The following CNKSR2 variants were observed in gnomAD, a reference collection of about 807,000 sequenced individuals.
CNKSR2 encodes CNK homolog protein 2.
In CNKSR2, 14 loss-of-function variants were observed where a neutral mutation model predicts 84.4. That is an observed-to-expected ratio of 0.17 (90% CI 0.11 to 0.26). The LOEUF (loss-of-function observed/expected upper bound fraction) is 0.26. CNKSR2 is among the 10% of genes least tolerant of loss of function. The pLI is 1.00. For missense variants in CNKSR2, 485 were observed against 771.2 expected (o/e 0.63, Z 4.40); for synonymous variants, 275 against 277.9 (o/e 0.99, Z 0.10).
At chrX:21,395,905 T>C (rs1049776499) in intron 1 of CNKSR2, among the ~76,000 whole-genome samples, 2 of 111,894 alleles carry the variant, frequency 1.8e-5, no homozygotes, top group African/African-American at 6.5e-5. Flanking sequence ...AAGTGGAAGA[T>C]GTATTTTTTA....
intron 11 of CNKSR2, among the ~76,000 whole-genome samples, chrX:21,548,037 A>G (rs2147157139): frequency 8.9e-6 from 1 of 112,059 alleles, no homozygotes; most frequent in African/African-American, 3.2e-5. Flanking sequence ...GCAAGAGCAA[A>G]CACATTCAAA....
At chrX:21,562,420 C>G (rs745718509) in intron 12 of CNKSR2, among the ~76,000 whole-genome samples, 1 of 111,662 alleles carries the variant, frequency 9.0e-6, no homozygotes, top group African/African-American at 3.2e-5. Context: ...TGCACAGATC[C>G]GCAGACCATA....
At chrX:21,396,681 T>C (rs1211955443) in intron 1 of CNKSR2, among the ~76,000 whole-genome samples, 1 of 111,976 alleles carries the variant, frequency 8.9e-6, no homozygotes, top group Non-Finnish European at 1.9e-5. Context: ...ATCTATGAGA[T>C]GAATTGATAG....
intron 8 of CNKSR2, chrX:21,504,054 G>GT (rs1181208722): frequency 9.0e-6 from 1 of 110,713 alleles, no homozygotes; most frequent in Non-Finnish European, 1.9e-5. Context: ...CGGTTGCCAG[G>GT]TTTTTTTGTG....
intron 4 of CNKSR2, among the ~76,000 whole-genome samples, chrX:21,462,296 T>C (rs1431992023): frequency 8.9e-6 from 1 of 112,297 alleles, no homozygotes; most frequent in Non-Finnish European, 1.9e-5. Flanking sequence ...TTTGTGGCTA[T>C]TGAAAATGGG....
chrX:21,648,868 A>G lies in CNKSR2; in HGVS notation c.2730A>G (p.Gln910=). 8.5e-7 allele frequency: 1 copy of G among 1,178,617 alleles called. No individual in the cohort carries two copies. Among genetic ancestry groups the G allele is most frequent in the Non-Finnish European group, 1.1e-6 (1 of 884,651 alleles). The change falls in exon 21 of 22, where the codon CAA becomes CAG. Residue 910 remains glutamine, a synonymous_variant. Coordinates refer to ENST00000379510, the MANE Select transcript of CNKSR2 (RefSeq NM_014927.5). ...SREEKLGDSL[Q]DLYRALEQAS... ...AAGAAAAGTTAGGAGACTCATTGCA[A>G]GATTTATACAGGGCACTGGAGCAGG...
At chrX:21,375,008 A>C in intron 1 of CNKSR2, 47 bp downstream of exon 1, 3 of 1,072,022 alleles carry the variant, frequency 2.8e-6, no homozygotes, top group Non-Finnish European at 3.9e-6. Flanking sequence ...GGCGCGGGGC[A>C]CCAGTGCGAG....
intron 1 of CNKSR2, among the ~76,000 whole-genome samples, chrX:21,403,497 T>G (rs961124366): frequency 7.2e-5 from 8 of 111,543 alleles, no homozygotes; most frequent in Non-Finnish European, 1.3e-4. Context: ...ATATGGAAAG[T>G]ATGTTAAATT....
At chrX:21,535,617 T>C (rs182729692) in intron 11 of CNKSR2, among the ~76,000 whole-genome samples, 23 of 111,215 alleles carry the variant, frequency 2.1e-4, no homozygotes, top group African/African-American at 7.2e-4. Context: ...TTTCTAAGTA[T>C]TTTTTGTAGC....
intron 1 of CNKSR2, among the ~76,000 whole-genome samples, chrX:21,400,580 T>G (rs1291524113): frequency 9.0e-6 from 1 of 111,599 alleles, no homozygotes; most frequent in Non-Finnish European, 1.9e-5. Context: ...CTACTACTCT[T>G]AAACTTTTGT....
chrX:21,398,260 TA>T (rs2146980498), intron 1 of CNKSR2, among the ~76,000 whole-genome samples: 1 of 112,096 alleles, frequency 8.9e-6, no homozygotes, highest in Non-Finnish European at 1.9e-5. Context: ...ACAAATACAT[TA>T]ATAGATTTTT....
chrX:21,490,633 G>T (rs1050899123), intron 6 of CNKSR2, 55 bp downstream of exon 6: 2 of 1,116,677 alleles, frequency 1.8e-6, no homozygotes, highest in African/African-American at 3.6e-5. Context: ...AGCTAATGAT[G>T]TGGACAAAGC....
chrX:21,404,789 CAAAAAA>C (rs59192713), intron 1 of CNKSR2, among the ~76,000 whole-genome samples: 2 of 30,082 alleles, frequency 6.6e-5, no homozygotes, highest in Non-Finnish European at 1.2e-4. Flanking sequence ...AACTCTGTCT[CAAAAAA>C]AAAAAAAAAA....
At chrX:21,465,180 T>C (rs1014693972) in intron 4 of CNKSR2, among the ~76,000 whole-genome samples, 1 of 112,281 alleles carries the variant, frequency 8.9e-6, no homozygotes, top group African/African-American at 3.2e-5. Context: ...TGGGATCTTT[T>C]GTTAGAATTT....
intron 1 of CNKSR2, among the ~76,000 whole-genome samples, chrX:21,385,416 T>C (rs2089954858): frequency 8.9e-6 from 1 of 112,059 alleles, no homozygotes; most frequent in Admixed American, 9.5e-5. Flanking sequence ...AGAGATTATA[T>C]TCTGTTGGCA....
intron 1 of CNKSR2, among the ~76,000 whole-genome samples, chrX:21,390,402 A>G (rs968304468): frequency 2.7e-5 from 3 of 111,277 alleles, no homozygotes; most frequent in Non-Finnish European, 5.7e-5. Context: ...TACAGGAAAC[A>G]TGGCTGGGGA....
intron 1 of CNKSR2, among the ~76,000 whole-genome samples, chrX:21,408,522 T>C (rs2090295037): frequency 9.0e-6 from 1 of 111,656 alleles, no homozygotes; most frequent in Non-Finnish European, 1.9e-5. Context: ...GCTCAGAAGT[T>C]TCTTGGATAG....
chrX:21,583,370 A>G (rs1214597312), intron 13 of CNKSR2, among the ~76,000 whole-genome samples: 1 of 111,820 alleles, frequency 8.9e-6, no homozygotes, highest in African/African-American at 3.2e-5. Context: ...ATCCTATCCC[A>G]TTTCCATATA....
chrX:21,425,751 C>T (rs1317797678), intron 1 of CNKSR2: 3 of 111,349 alleles, frequency 2.7e-5, no homozygotes, highest in Admixed American at 9.6e-5. Context: ...TGATTGAAAC[C>T]GCCTCAATCT....
Sources: allele counts gnomAD v4.1 joint callset (sites outside exome capture counted in the v4.1 genomes callset), GRCh38; gene constraint gnomAD v4.1.1; transcripts MANE v1.5; gene names NCBI Gene and HGNC (gene_info 2026-07-23, HGNC 2026-07-21).